Variants in BABAM2 observed in about 807,000 individuals in gnomAD.
BABAM2 encodes BRISC and BRCA1 A complex member 2.
In BABAM2, 31 loss-of-function variants were observed where a neutral mutation model predicts 54.7. The observed-to-expected ratio is 0.57, with a 90% CI of 0.43 to 0.77. The LOEUF is 0.77. BABAM2 is among the 30% of genes least tolerant of loss of function. The pLI, the probability that BABAM2 is intolerant of heterozygous loss-of-function variation, is 0.00. For synonymous variants in BABAM2, 167 were observed against 162.9 expected (o/e 1.03, Z -0.19); for missense variants, 364 against 455.8 (o/e 0.80, Z 1.83).
At chr2:28,240,876 A>C (rs1208576144) in intron 8 of BABAM2, among the ~76,000 whole-genome samples, 2 of 151,746 alleles carry the variant, frequency 1.3e-5, no homozygotes, top group South Asian at 4.1e-4. Context: ...GTCTCAAAAA[A>C]AAAAAAAAAC....
chr2:28,259,337 C>T (rs149965386), intron 10 of BABAM2, among the ~76,000 whole-genome samples: 25 of 150,306 alleles, frequency 1.7e-4, no homozygotes, highest in African/African-American at 4.4e-4. Flanking sequence ...CCACCCACCT[C>T]GGCCTCCCAA....
intron 2 of BABAM2, among the ~76,000 whole-genome samples, chr2:27,905,789 G>A (rs1666147706): frequency 6.6e-6 from 1 of 152,156 alleles, no homozygotes; most frequent in African/African-American, 2.4e-5. Context: ...GAGATCCAGA[G>A]ATTTTTGATT....
intron 4 of BABAM2, among the ~76,000 whole-genome samples, chr2:28,017,963 GA>G (rs1417727346): frequency 2.0e-5 from 3 of 152,180 alleles, no homozygotes; most frequent in Non-Finnish European, 2.9e-5. Context: ...ATGCTACTAT[GA>G]ACATTTGTGT....
intron 7 of BABAM2, among the ~76,000 whole-genome samples, chr2:28,141,351 T>A (rs576247209): frequency 6.6e-6 from 1 of 152,356 alleles, no homozygotes; most frequent in South Asian, 2.1e-4. Flanking sequence ...ACATTTGTTA[T>A]AAAGGATATA....
rs186237031 is a variant in BABAM2 at position 28,053,348 on chromosome 2, G to A, written c.570+7549G>A. Among the ~76,000 whole-genome samples, 779 of 152,222 alleles carry A rather than the reference G, an allele frequency of 5.1e-3. 6 individuals carry two copies. Among genetic ancestry groups the A allele is most frequent in the Non-Finnish European group, 8.1e-3 (550 of 68,000 alleles). On this transcript the variant is annotated intron_variant, in intron 6 of 11. Coordinates refer to ENST00000379624, the MANE Select transcript of BABAM2 (RefSeq NM_199191.3). ...AATCTAGCTTTAAAGCAAAATAGTC[G>A]TCTGGTACTTGAAGGACCATAAAGA...
intron 4 of BABAM2, chr2:28,016,364 G>A: frequency 7.6e-7 from 1 of 1,319,434 alleles, no homozygotes; most frequent in Non-Finnish European, 1.1e-6. Context: ...TTCTTCCCAG[G>A]TAGGCCTTGA....
At chr2:28,099,954 A>G (rs1237008075) in intron 6 of BABAM2, among the ~76,000 whole-genome samples, 4 of 151,960 alleles carry the variant, frequency 2.6e-5, no homozygotes, top group Admixed American at 1.3e-4. Flanking sequence ...AAAATTTCTA[A>G]CGTATAGTCT....
At chr2:28,310,026 T>A in intron 11 of BABAM2, 1 of 1,543,176 alleles carries the variant, frequency 6.5e-7, no homozygotes, top group Non-Finnish European at 9.0e-7. Context: ...AATTATTGGA[T>A]CCTTGAACCC....
intron 6 of BABAM2, among the ~76,000 whole-genome samples, chr2:28,102,065 ATTGGCTGAC>A (rs1450648906): frequency 6.6e-6 from 1 of 152,222 alleles, no homozygotes; most frequent in Non-Finnish European, 1.5e-5. Flanking sequence ...CTATTTATGA[ATTGGCTGAC>A]TTGTTTATTC....
intron 7 of BABAM2, among the ~76,000 whole-genome samples, chr2:28,194,635 A>G (rs1182246105): frequency 8.1e-6 from 1 of 123,484 alleles, no homozygotes; most frequent in Non-Finnish European, 1.6e-5. Flanking sequence ...AGGCTGGAGT[A>G]CGGTGGCACG....
At chr2:27,891,411 C>G (rs1664831838) in intron 1 of BABAM2, among the ~76,000 whole-genome samples, 2 of 152,098 alleles carry the variant, frequency 1.3e-5, no homozygotes, top group African/African-American at 4.8e-5. Flanking sequence ...CATCAAAGGA[C>G]CTTTTGTAAC....
chr2:28,162,212 G>T (rs190275261), intron 7 of BABAM2, among the ~76,000 whole-genome samples: 3 of 152,252 alleles, frequency 2.0e-5, no homozygotes, highest in Admixed American at 2.0e-4. Context: ...CACGTAAAGA[G>T]AGTACATTGC....
At chr2:27,959,831 A>AT (rs936090180) in intron 3 of BABAM2, among the ~76,000 whole-genome samples, 32 of 144,098 alleles carry the variant, frequency 2.2e-4, no homozygotes, top group Non-Finnish European at 2.3e-4. Flanking sequence ...CTTTTGCTTG[A>AT]TTTTTTTTTT....
intron 11 of BABAM2, among the ~76,000 whole-genome samples, chr2:28,324,559 A>T (rs991452821): frequency 6.6e-6 from 1 of 151,850 alleles, no homozygotes; most frequent in African/African-American, 2.4e-5. Context: ...GGATCACTTG[A>T]GCTCAGGAGT....
At chr2:28,238,964 G>A (rs893542629) in intron 8 of BABAM2, among the ~76,000 whole-genome samples, 2 of 151,992 alleles carry the variant, frequency 1.3e-5, no homozygotes, top group Non-Finnish European at 2.9e-5. Context: ...CTACAAATGA[G>A]GACAGTATGG....
chr2:28,162,785 G>A (rs1159425495), intron 7 of BABAM2, among the ~76,000 whole-genome samples: 3 of 152,184 alleles, frequency 2.0e-5, no homozygotes, highest in Admixed American at 1.3e-4. Flanking sequence ...ACATTCAGAA[G>A]CATCAACCTT....
chr2:28,276,140 G>T (rs1425295534), intron 10 of BABAM2, among the ~76,000 whole-genome samples: 2 of 152,150 alleles, frequency 1.3e-5, no homozygotes, highest in Non-Finnish European at 2.9e-5. Context: ...CACTTGCGTA[G>T]ATGAAGTTAT....
chr2:28,096,100 A>G (rs1194115850), intron 6 of BABAM2, among the ~76,000 whole-genome samples: 1 of 152,130 alleles, frequency 6.6e-6, no homozygotes, highest in Non-Finnish European at 1.5e-5. Context: ...ACAATGGGAA[A>G]GGGACTCTTA....
rs563144509 is a variant in BABAM2, at chr2:27,949,395, G to A, written c.205+19487G>A. 4.3e-4 allele frequency among the ~76,000 whole-genome samples: 66 copies of A among 152,182 alleles called. No individual in the cohort carries two copies. In the South Asian group the frequency reaches 0.012, roughly 28 times the overall value. On this transcript the variant is annotated intron_variant, in intron 3 of 11. Transcript: ENST00000379624. ...TAAAAATACAAAAAATTAGCCAGGC[G>A]TGGTGATGGGTGCCTGTGATCCCAG...
Sources: gnomAD v4.1 joint callset for allele counts (sites outside exome capture counted in the v4.1 genomes callset) on GRCh38, gnomAD v4.1.1 for gene constraint, MANE v1.5 for transcripts, NCBI Gene and HGNC (gene_info 2026-07-23, HGNC 2026-07-21) for gene names.